ZNF705B: variants seen among roughly 807,000 people sequenced by gnomAD.
The protein encoded by ZNF705B is Putative zinc finger protein 705D-like protein LOC100132396.
A neutral mutation model predicts 10.5 loss-of-function variants in ZNF705B; 1 was observed. The observed-to-expected ratio is 0.10, with a 90% CI of 0.03 to 0.45. ZNF705B has a LOEUF of 0.45. Ranked by LOEUF, ZNF705B falls within the 20% of genes least tolerant of loss-of-function variation. ZNF705B has a pLI of 0.97. For synonymous variants in ZNF705B, 4 were observed against 25.4 expected, an observed-to-expected ratio of 0.16 and a Z score of 2.53; for missense variants, 14 against 84.0, an observed-to-expected ratio of 0.17 and a Z score of 3.26.
rs1384514015 is a variant in ZNF705B, at chr8:7,936,556, TTG to T, written c.-72+6124_-72+6125del. On this transcript the variant is annotated intron_variant, in intron 2 of 6. Coordinates refer to ENST00000400120, the MANE Select transcript of ZNF705B (RefSeq NM_001193630.1). ...CTATGCATCCATAAAAAGAACAAAA[TTG>T]TGTCCTTTTCAGCAACATGGATGCA... Among the ~76,000 whole-genome samples, 8 of 120,038 alleles carry T rather than the reference TTG, an allele frequency of 6.7e-5. 2 individuals are homozygous for T. The highest frequency in any genetic ancestry group is 1.8e-4 in the African/African-American group (7 of 39,272). 78.7% of individuals were successfully genotyped at this position (120,038 alleles called of 152,430 possible).
chr8:7,926,989 T>C (rs1484187860), intron 1 of ZNF705B, among the ~76,000 whole-genome samples: 2 of 118,064 alleles, frequency 1.7e-5, no homozygotes, highest in South Asian at 5.9e-4. Flanking sequence ...AGAGAAAATA[T>C]CTATCTCATA....
intron 2 of ZNF705B, among the ~76,000 whole-genome samples, chr8:7,936,493 T>C (rs1389536715): frequency 8.4e-6 from 1 of 118,706 alleles, no homozygotes; most frequent in African/African-American, 2.6e-5. Flanking sequence ...AACAGTGGAT[T>C]GAATAAAGAA....
chr8:7,936,766 A>G (rs192487880), intron 2 of ZNF705B, among the ~76,000 whole-genome samples: 1 of 120,250 alleles, frequency 8.3e-6, no homozygotes, highest in African/African-American at 2.5e-5. Flanking sequence ...CTCTTTGGGT[A>G]CACCCTACCT....
At chr8:7,926,723 C>T (rs1234216011) in intron 1 of ZNF705B, among the ~76,000 whole-genome samples, 1 of 113,758 alleles carries the variant, frequency 8.8e-6, no homozygotes, top group Non-Finnish European at 2.1e-5. Flanking sequence ...CCACCTGATG[C>T]AGACTTTCCC....
intron 2 of ZNF705B, among the ~76,000 whole-genome samples, chr8:7,940,729 T>C (rs1231508099): frequency 6.8e-6 from 1 of 146,434 alleles, no homozygotes; most frequent in Admixed American, 7.0e-5. Context: ...TATAACCTAA[T>C]GCCCTCCAAG....
chr8:7,928,894 G>A (rs1313006197), intron 1 of ZNF705B, among the ~76,000 whole-genome samples: 1 of 107,100 alleles, frequency 9.3e-6, no homozygotes, highest in East Asian at 2.7e-4. Context: ...GGGAGCTAGG[G>A]TATGAGTACA....
chr8:7,936,451 G>A (rs1255649444), intron 2 of ZNF705B, among the ~76,000 whole-genome samples: 1 of 117,776 alleles, frequency 8.5e-6, no homozygotes, highest in Non-Finnish European at 2.0e-5. Flanking sequence ...ATTCACAGTA[G>A]CAAAGGTATG....
rs1819705363 is a variant in ZNF705B at position 7,926,893 on chromosome 8, A to G, written c.-222+496A>G. ...TATTATCTTTCTTTTTTAGCAAGAA[A>G]GACTGTAAAATAAGCAAAAGTTTTG... On this transcript the variant is annotated intron_variant, in intron 1 of 6. Coordinates refer to ENST00000400120, the MANE Select transcript of ZNF705B (RefSeq NM_001193630.1). Among the ~76,000 whole-genome samples, 2 of 111,656 alleles carry G rather than the reference A, an allele frequency of 1.8e-5. 1 individual carries two copies. The highest frequency in any genetic ancestry group is 4.3e-5 in the Non-Finnish European group (2 of 46,890). The allele number at this position is 111,656 out of a possible 152,430, so 73.3% of individuals were successfully genotyped here.
chr8:7,932,386 C>T (rs761417444), intron 2 of ZNF705B, among the ~76,000 whole-genome samples: 1 of 121,130 alleles, frequency 8.3e-6, no homozygotes, highest in Non-Finnish European at 2.0e-5. Context: ...TATCTACTTG[C>T]TGTCTTGGTC....
chr8:7,936,494 G>T lies in ZNF705B; in HGVS notation c.-72+6058G>T, dbSNP rs1398382335. The stretch of plus-strand genomic sequence containing the variant: ...ACTAGGTGTTCATCAACAGTGGATT[G>T]AATAAAGAAAATGTAGTACATATAT... On this transcript the variant is annotated intron_variant, in intron 2 of 6. Transcript: ENST00000400120. Among the ~76,000 whole-genome samples the T allele has an allele frequency of 6.7e-5, 8 of 118,654 alleles. 3 individuals are homozygous for T. In the Admixed American group the frequency reaches 7.8e-4, roughly 12 times the overall value. The allele number at this position is 118,654 out of a possible 152,430, so 77.8% of individuals were successfully genotyped here. A position where few individuals can be genotyped will look rare whatever the true frequency, so the allele number is the denominator to read the frequency against.
At chr8:7,932,508 C>T (rs550423268) in intron 2 of ZNF705B, among the ~76,000 whole-genome samples, 1 of 121,598 alleles carries the variant, frequency 8.2e-6, no homozygotes, top group African/African-American at 2.5e-5. Context: ...TGTGTCCAAA[C>T]TGCTTCTTTT....
intron 1 of ZNF705B, among the ~76,000 whole-genome samples, chr8:7,927,838 A>C (rs1480001799): frequency 6.9e-6 from 1 of 144,956 alleles, no homozygotes; most frequent in South Asian, 2.3e-4. Flanking sequence ...GATTTCTCTG[A>C]TGTCTACATC....
At chr8:7,937,603 A>C (rs573038415) in intron 2 of ZNF705B, among the ~76,000 whole-genome samples, 1 of 122,020 alleles carries the variant, frequency 8.2e-6, no homozygotes, top group African/African-American at 2.5e-5. Flanking sequence ...GATTAAAAAA[A>C]ATCAAACCCA....
At chr8:7,935,281 T>C (rs1819979055) in intron 2 of ZNF705B, among the ~76,000 whole-genome samples, 2 of 141,298 alleles carry the variant, frequency 1.4e-5, no homozygotes, top group African/African-American at 5.0e-5. Flanking sequence ...TTGCATATAT[T>C]AAGAGTGAAA....
chr8:7,937,465 T>G (rs1200102216), intron 2 of ZNF705B, among the ~76,000 whole-genome samples: 3 of 107,102 alleles, frequency 2.8e-5, no homozygotes, highest in African/African-American at 8.2e-5. Context: ...CTATTTTGAT[T>G]GAGTAACAGT....
At position 7,937,042 on chromosome 8, in the gene ZNF705B, C is replaced by T. The variant is rs540700292; in HGVS notation, c.-72+6606C>T. Among the ~76,000 whole-genome samples the T allele has an allele frequency of 1.1e-4, 13 of 118,030 alleles. 1 individual carries two copies. Among genetic ancestry groups the T allele is most frequent in the East Asian group, 4.9e-4 (2 of 4,118 alleles). 77.4% of individuals were successfully genotyped at this position (118,030 alleles called of 152,430 possible). A position where few individuals can be genotyped will look rare whatever the true frequency, so the allele number is the denominator to read the frequency against. On this transcript the variant is annotated intron_variant, in intron 2 of 6. Transcript: ENST00000400120. ...CATATTGTGGACACTATGTCTTTTC[C>T]GGCCATTTGCTTTAGGAACAAAAGA...
At chr8:7,929,731 C>CT (rs1819789425) in intron 1 of ZNF705B, among the ~76,000 whole-genome samples, 1 of 114,964 alleles carries the variant, frequency 8.7e-6, no homozygotes, top group Admixed American at 1.0e-4. Flanking sequence ...CAGTGATTTA[C>CT]TTTGAGTGGA....
At chr8:7,936,816 A>T (rs149435674) in intron 2 of ZNF705B, among the ~76,000 whole-genome samples, 3,015 of 119,456 alleles carry the variant, frequency 0.025, 220 homozygotes, top group African/African-American at 0.074. Context: ...TCAATATCAC[A>T]CAATATATCC....
At chr8:7,929,403 C>G (rs1386319088) in intron 1 of ZNF705B, among the ~76,000 whole-genome samples, 2 of 121,064 alleles carry the variant, frequency 1.7e-5, no homozygotes, top group African/African-American at 5.0e-5. Context: ...GATGCAGAGA[C>G]ATGAAATGAA....
Sources: allele counts gnomAD v4.1 joint callset (sites outside exome capture counted in the v4.1 genomes callset), GRCh38; gene constraint gnomAD v4.1.1; transcripts MANE v1.5; gene names NCBI Gene and HGNC (gene_info 2026-07-23, HGNC 2026-07-21).